The following DNPEP variants were observed in gnomAD, a reference collection of about 807,000 sequenced individuals.
The protein encoded by DNPEP is aspartyl aminopeptidase.
In DNPEP, 46 loss-of-function variants were observed where a neutral mutation model predicts 59.1. The observed-to-expected ratio is 0.78, with a 90% confidence interval of 0.61 to 0.99. DNPEP has a LOEUF of 0.99. Ranked by LOEUF, DNPEP falls within the 50% of genes least tolerant of loss-of-function variation. The pLI is 0.00. For missense variants in DNPEP, 617 were observed against 649.9 expected (o/e 0.95, Z 0.55); for synonymous variants, 229 against 242.2 (o/e 0.95, Z 0.50).
chr2:219,385,896 T>C (rs1953794090), intron 6 of DNPEP, 72 bp downstream of exon 6: 1 of 1,568,694 alleles, frequency 6.4e-7, no homozygotes, highest in South Asian at 1.2e-5. Flanking sequence ...ACCTAATGGC[T>C]ACCATTAGGT....
Position 219,378,937 on chromosome 2 carries a change from G to C in DNPEP, c.1239+2398C>G, listed in dbSNP as rs150905261. ...TTTTATTGTTATTTATTTATTTTGA[G>C]ATGGAGTTTCACTCTTGTCGCCCAG... is the stretch of plus-strand genomic sequence containing the variant. On this transcript the variant is annotated intron_variant, in intron 13 of 14. Coordinates refer to ENST00000273075, the MANE Select transcript of DNPEP (RefSeq NM_012100.4). Among the ~76,000 whole-genome samples the C allele has an allele frequency of 4.2e-3, 633 of 151,922 alleles. 6 individuals carry two copies. The highest frequency in any genetic ancestry group is 2.8e-3 in the Non-Finnish European group (188 of 67,874).
intron 13 of DNPEP, among the ~76,000 whole-genome samples, chr2:219,378,847 C>T (rs185195555): frequency 1.5e-3 from 159 of 106,324 alleles, no homozygotes; most frequent in African/African-American, 4.1e-3. Context: ...CAATTATGTA[C>T]AGTATGCAAT....
chr2:219,394,817 A>C (rs534630344), intron 1 of DNPEP, among the ~76,000 whole-genome samples: 1 of 152,160 alleles, frequency 6.6e-6, no homozygotes, highest in Admixed American at 6.5e-5. Context: ...AATATGTCTT[A>C]ATCTGAACTC....
chr2:219,390,412 G>C (rs1173348762), upstream of DNPEP, among the ~76,000 whole-genome samples: 1 of 152,060 alleles, frequency 6.6e-6, no homozygotes, highest in African/African-American at 2.4e-5. Context: ...AAATATAAAA[G>C]TAAAAAGGTT....
At position 219,386,007 on chromosome 2, in the gene DNPEP, T is replaced by C; in HGVS notation, c.551A>G (p.Asn184Ser). Residue 184 changes from asparagine to serine, a missense_variant, in exon 6 of 15, where the codon AAT becomes AGT. Asn to Ser is a conservative substitution (Grantham distance 46). Coordinates refer to ENST00000273075, the MANE Select transcript of DNPEP (RefSeq NM_012100.4). ...GTTGGGCCCAAAGTTCTCGTTGATA[T>C]TTCGCTGCAGATGGATGGCCAGGTG... ...IPHLAIHLQR[N>S]INENFGPNTE... 1 of 1,614,158 alleles carries C rather than the reference T, an allele frequency of 6.2e-7. No homozygotes were observed. The highest frequency in any genetic ancestry group is 8.5e-7 in the Non-Finnish European group (1 of 1,180,024).
chr2:219,399,478 G>A lies in DNPEP; in HGVS notation c.-158+462C>T, dbSNP rs190627733. The A allele has an allele frequency of 2.9e-4, 136 of 465,564 alleles. 1 individual carries two copies. The East Asian group carries it at 8.4e-3, about 29-fold the overall frequency. 28.8% of individuals were successfully genotyped at this position (465,564 alleles called of 1,614,324 possible). On this transcript the variant is annotated intron_variant, in intron 1 of 6. Transcript: ENST00000434339. ...TTTGGAAGATTTGGGCTGAGGCCCA[G>A]GGATCTCCACTTTTAACAGGTGCTG... is the stretch of plus-strand genomic sequence containing the variant.
chr2:219,388,878 T>G (rs1953963027), upstream of DNPEP: 1 of 985,226 alleles, frequency 1.0e-6, no homozygotes, highest in Non-Finnish European at 1.2e-6. Flanking sequence ...GTACTCTTAC[T>G]GTCCCCAGTT....
intron 14 of DNPEP, 126 bp downstream of exon 14, chr2:219,374,729 A>G (rs1953299084): frequency 2.6e-6 from 3 of 1,163,352 alleles, no homozygotes; most frequent in South Asian, 3.1e-5. Flanking sequence ...ACATGGCCCC[A>G]GCATGACAAC....
At chr2:219,398,148 T>A (rs565916502) in intron 1 of DNPEP, among the ~76,000 whole-genome samples, 45 of 152,292 alleles carry the variant, frequency 3.0e-4, no homozygotes, top group African/African-American at 1.0e-3. Flanking sequence ...GAGGAGTAAA[T>A]GGGATAATGC....
At chr2:219,378,367 T>C (rs1953455253) in intron 13 of DNPEP, among the ~76,000 whole-genome samples, 1 of 152,212 alleles carries the variant, frequency 6.6e-6, no homozygotes, top group East Asian at 1.9e-4. Context: ...GGGGCCTTTC[T>C]ACTTGTGCCC....
chr2:219,387,726 G>A (rs994405645), intron 1 of DNPEP, 33 bp downstream of exon 1: 1 of 1,607,712 alleles, frequency 6.2e-7, no homozygotes, highest in Non-Finnish European at 8.5e-7. Context: ...GTCTGGGATC[G>A]AAATTCAAGT....
intron 9 of DNPEP, among the ~76,000 whole-genome samples, chr2:219,384,049 T>C (rs1029627334): frequency 6.6e-6 from 1 of 152,162 alleles, no homozygotes; most frequent in Non-Finnish European, 1.5e-5. Flanking sequence ...GATAAAGCCT[T>C]TCCCTGAGGC....
At chr2:219,395,370 C>T (rs1030660492) in intron 1 of DNPEP, among the ~76,000 whole-genome samples, 4 of 152,214 alleles carry the variant, frequency 2.6e-5, no homozygotes, top group Non-Finnish European at 5.9e-5. Context: ...CCCTAACAAC[C>T]TCTACCTGGC....
At chr2:219,396,018 C>T (rs748621734) in intron 1 of DNPEP, among the ~76,000 whole-genome samples, 1 of 152,098 alleles carries the variant, frequency 6.6e-6, no homozygotes, top group East Asian at 1.9e-4. Flanking sequence ...TAAAAAGGAA[C>T]GAGTGGTTGC....
At position 219,386,415 on chromosome 2, in the gene DNPEP, A is replaced by C; in HGVS notation, c.334-4T>G. ...TGCGGCGAGACCGACGTTTCACCTG[A>C]GTGTAAAGATGGAGAAGTCAGAGAA... On this transcript the variant is annotated splice_polypyrimidine_tract_variant and splice_region_variant and intron_variant, in intron 4 of 14. Coordinates refer to ENST00000273075, the MANE Select transcript of DNPEP (RefSeq NM_012100.4). 6.2e-7 allele frequency: 1 copy of C among 1,614,160 alleles called. No homozygotes were observed.
rs558807343 is a variant in DNPEP at position 219,378,795 on chromosome 2, GTAAA to G, written c.1239+2536_1239+2539del. On this transcript the variant is annotated intron_variant, in intron 13 of 14. Transcript: ENST00000273075. ...CTCACTTGTTTGTGGCGATGCCGGC[GTAAA>G]TAAATCTACTGCCAGTCGTATAAAA... 2.4e-4 allele frequency among the ~76,000 whole-genome samples: 37 copies of G among 152,240 alleles called. No individual in the cohort carries two copies. In the East Asian group the frequency reaches 6.2e-3, roughly 25 times the overall value.
intron 6 of DNPEP, 41 bp downstream of exon 6, chr2:219,385,927 C>G: frequency 6.2e-7 from 1 of 1,609,184 alleles, no homozygotes; most frequent in Non-Finnish European, 8.5e-7. Context: ...TGGTACCATT[C>G]TCCATCCCTC....
Position 219,374,322 on chromosome 2 carries a change from A to G in DNPEP, c.1428T>C (p.Pro476=), listed in dbSNP as rs747889181. ...CCACTAAGAGATTATGGCTTAGAGAAGGGAACAGCTCAAAGAAGCCCTATA... is the reference window on the plus strand; with the variant it reads ...CCACTAAGAGATTATGGCTTAGAGAGGGGAACAGCTCAAAGAAGCCCTATA... ...TLFKGFFELF[P]SLSHNLLVD Residue 476 remains proline (P), a synonymous_variant, in exon 15 of 15, where the codon CCT becomes CCC. Coordinates refer to ENST00000273075, the MANE Select transcript of DNPEP (RefSeq NM_012100.4). The G allele has an allele frequency of 6.2e-7, 1 of 1,614,138 alleles. No individual in the cohort carries two copies. Among genetic ancestry groups the G allele is most frequent in the Non-Finnish European group, 8.5e-7 (1 of 1,179,964 alleles).
At position 219,374,928 on chromosome 2, in the gene DNPEP, G is replaced by A. The variant is rs376780714; in HGVS notation, c.1334C>T (p.Pro445Leu). 9.9e-6 allele frequency: 16 copies of A among 1,614,014 alleles called. No individual in the cohort carries two copies. Among genetic ancestry groups the A allele is most frequent in the Admixed American group, 1.7e-5 (1 of 59,986 alleles). The change falls in exon 14 of 15, where the codon CCC becomes CTC. Residue 445 changes from proline (P) to leucine (L), a missense_variant. Pro to Leu is a moderately conservative substitution (Grantham distance 98). Coordinates refer to ENST00000273075, the MANE Select transcript of DNPEP (RefSeq NM_012100.4). ...LGLRVLDLGSPQLAMHSIREM... is the reference protein window; with the variant it reads ...LGLRVLDLGSLQLAMHSIREM... ...CCGGATAGAGTGCATGGCCAGTTGG[G>A]GGCTGCCTAAATCCAGCACCCGCAG... is the stretch of plus-strand genomic sequence containing the variant.
Sources: allele counts gnomAD v4.1 joint callset (sites outside exome capture counted in the v4.1 genomes callset), GRCh38; gene constraint gnomAD v4.1.1; transcripts MANE v1.5; gene names NCBI Gene and HGNC (gene_info 2026-07-23, HGNC 2026-07-21).